THSD7B: variants seen among roughly 807,000 people sequenced by gnomAD.
THSD7B encodes the protein thrombospondin type 1 domain containing 7B.
In THSD7B, 138 loss-of-function variants were observed where a neutral mutation model predicts 213.6. The ratio of observed to expected loss-of-function variants is 0.65; its 90% CI spans 0.56 to 0.74. The LOEUF (loss-of-function observed/expected upper bound fraction) is 0.74, where lower values mean the gene tolerates loss of function less well. THSD7B is among the 30% of genes least tolerant of loss of function. The pLI is 0.00. For synonymous variants in THSD7B, 742 were observed against 687.0 expected, an observed-to-expected ratio of 1.08 and a Z score of -1.25; for missense variants, 1,931 against 1,991.5, an observed-to-expected ratio of 0.97 and a Z score of 0.58.
chr2:137,153,851 T>G (rs1486695112), intron 5 of THSD7B, among the ~76,000 whole-genome samples: 1 of 152,114 alleles, frequency 6.6e-6, no homozygotes, highest in Non-Finnish European at 1.5e-5. Context: ...GAAAGTAGCA[T>G]TTTTACATAA....
At chr2:137,675,403 CATATATATAT>C (rs55940004) in intron 27 of THSD7B, among the ~76,000 whole-genome samples, 2,144 of 116,342 alleles carry the variant, frequency 0.018, 62 homozygotes, top group East Asian at 0.096. Context: ...AAATGAATGC[CATATATATAT>C]ATATATATAT....
chr2:137,249,166 TA>T (rs552054317), intron 10 of THSD7B, among the ~76,000 whole-genome samples: 188 of 152,260 alleles, frequency 1.2e-3, no homozygotes, highest in Non-Finnish European at 1.4e-3. Context: ...TAAAATTCAT[TA>T]AAAAACACCT....
chr2:137,005,316 T>A lies in THSD7B; in HGVS notation c.140-51104T>A, dbSNP rs181802244. Among the ~76,000 whole-genome samples the A allele has an allele frequency of 3.3e-5, 5 of 152,342 alleles. No individual in the cohort carries two copies. The East Asian group carries it at 9.6e-4, about 29-fold the overall frequency. ...CTGCCAAAGCATGTCAGTTGTTTTA[T>A]GTTTAAATTCCCTAAAGAAAAGAAA... On this transcript the variant is annotated intron_variant, in intron 2 of 27. Coordinates refer to ENST00000409968, the MANE Select transcript of THSD7B (RefSeq NM_001316349.2).
chr2:137,122,892 A>G (rs190246849), intron 5 of THSD7B, among the ~76,000 whole-genome samples: 1 of 152,208 alleles, frequency 6.6e-6, no homozygotes, highest in African/African-American at 2.4e-5. Flanking sequence ...CTCAGCCACT[A>G]CAGCACTTTG....
intron 7 of THSD7B, among the ~76,000 whole-genome samples, chr2:137,203,058 T>C (rs1465106305): frequency 2.0e-5 from 3 of 152,206 alleles, no homozygotes; most frequent in African/African-American, 7.2e-5. Context: ...AAACAGTATT[T>C]TGTTTGGCTT....
At chr2:137,616,142 C>G in intron 17 of THSD7B, 33 bp from the exon 18 acceptor site, 1 of 1,602,436 alleles carries the variant, frequency 6.2e-7, no homozygotes, top group Non-Finnish European at 8.5e-7. Flanking sequence ...ATAACTTGCC[C>G]ACAGTCAACT....
intron 14 of THSD7B, among the ~76,000 whole-genome samples, chr2:137,421,628 A>G (rs2105026946): frequency 6.6e-6 from 1 of 152,206 alleles, no homozygotes; most frequent in Non-Finnish European, 1.5e-5. Context: ...GGTCCTCTTG[A>G]GTTTTTATGG....
chr2:137,405,549 C>T (rs1348635912), intron 12 of THSD7B, 64 bp from the exon 13 acceptor site: 6 of 1,470,778 alleles, frequency 4.1e-6, no homozygotes, highest in Non-Finnish European at 4.6e-6. Flanking sequence ...GCTGTCTTGT[C>T]AAAGAACCAG....
intron 12 of THSD7B, among the ~76,000 whole-genome samples, chr2:137,381,062 C>T (rs1685763154): frequency 6.6e-6 from 1 of 152,202 alleles, no homozygotes; most frequent in Admixed American, 6.5e-5. Flanking sequence ...CTTTGACTCC[C>T]CTCAGAACTC....
At chr2:137,442,882 G>T (rs1301854381) in intron 14 of THSD7B, among the ~76,000 whole-genome samples, 1 of 152,160 alleles carries the variant, frequency 6.6e-6, no homozygotes, top group African/African-American at 2.4e-5. Context: ...GTAATGAGAA[G>T]ACTTCATATA....
At chr2:137,326,552 G>C (rs1246867577) in intron 12 of THSD7B, among the ~76,000 whole-genome samples, 1 of 152,180 alleles carries the variant, frequency 6.6e-6, no homozygotes, top group African/African-American at 2.4e-5. Context: ...ATAATTGACA[G>C]AGAAAACGGT....
intron 10 of THSD7B, among the ~76,000 whole-genome samples, chr2:137,257,536 C>T (rs560759759): frequency 6.6e-6 from 1 of 152,244 alleles, no homozygotes; most frequent in African/African-American, 2.4e-5. Flanking sequence ...TTTGAGGGTC[C>T]TGTGCAAAAT....
intron 15 of THSD7B, among the ~76,000 whole-genome samples, chr2:137,453,443 C>A (rs1214719902): frequency 1.3e-5 from 2 of 148,594 alleles, no homozygotes; most frequent in African/African-American, 5.0e-5. Context: ...CATTCTCCTG[C>A]CTCAGCCTCC....
chr2:137,316,535 G>T (rs1219970814), intron 12 of THSD7B, among the ~76,000 whole-genome samples: 1 of 152,280 alleles, frequency 6.6e-6, no homozygotes, highest in Admixed American at 6.5e-5. Flanking sequence ...CAGCACTTTG[G>T]GAGGTCGAGG....
rs115167935 is a variant in THSD7B, at chr2:137,269,264, A to T, written c.2267-3269A>T. The stretch of plus-strand genomic sequence containing the variant: ...AGAGGATCCATCCTTTTGAAACTCC[A>T]TCTGAATATCTGTAGGGCATGAAAA... On this transcript the variant is annotated intron_variant, in intron 10 of 27. Transcript: ENST00000409968. 2.8e-3 allele frequency among the ~76,000 whole-genome samples: 434 copies of T among 152,338 alleles called. 3 individuals carry two copies. The highest frequency in any genetic ancestry group is 0.01 in the African/African-American group (421 of 41,582).
intron 3 of THSD7B, among the ~76,000 whole-genome samples, chr2:137,093,926 AC>A (rs1687995508): frequency 6.6e-6 from 1 of 151,960 alleles, no homozygotes; most frequent in Non-Finnish European, 1.5e-5. Flanking sequence ...TTATTTATTT[AC>A]CTTTTTCCTA....
chr2:137,239,476 C>A (rs1238569333), intron 9 of THSD7B, among the ~76,000 whole-genome samples: 1 of 152,200 alleles, frequency 6.6e-6, no homozygotes, highest in Non-Finnish European at 1.5e-5. Flanking sequence ...TCATCTACCT[C>A]CCCTGTATCT....
At chr2:137,417,711 G>T (rs947992553) in intron 14 of THSD7B, among the ~76,000 whole-genome samples, 2 of 152,124 alleles carry the variant, frequency 1.3e-5, no homozygotes, top group Admixed American at 6.5e-5. Context: ...GGAATTACAG[G>T]CATGAGCCAC....
At chr2:137,260,511 C>A (rs1682416664) in intron 10 of THSD7B, among the ~76,000 whole-genome samples, 1 of 152,058 alleles carries the variant, frequency 6.6e-6, no homozygotes, top group Non-Finnish European at 1.5e-5. Context: ...GCCTGTAATT[C>A]CAGCACTTTG....
Sources: gnomAD v4.1 joint callset for allele counts (sites outside exome capture counted in the v4.1 genomes callset) on GRCh38, gnomAD v4.1.1 for gene constraint, MANE v1.5 for transcripts, NCBI Gene and HGNC (gene_info 2026-07-23, HGNC 2026-07-21) for gene names.